TIAM1: variants seen among roughly 807,000 people sequenced by gnomAD.
TIAM1 encodes the protein rho guanine nucleotide exchange factor TIAM1.
TIAM1 carries 65 observed loss-of-function variants against 163.5 expected under a neutral mutation model. The ratio of observed to expected loss-of-function variants is 0.40; its 90% CI spans 0.33 to 0.49. TIAM1 has a LOEUF of 0.49. TIAM1 is among the 20% of genes least tolerant of loss of function. TIAM1 has a pLI of 0.77. For synonymous variants in TIAM1, 833 were observed against 810.1 expected (o/e 1.03, Z -0.48); for missense variants, 1,789 against 2,044.7 (o/e 0.87, Z 2.41).
intron 2 of TIAM1, among the ~76,000 whole-genome samples, chr21:31,451,582 A>G (rs1172458938): frequency 2.0e-5 from 3 of 152,138 alleles, no homozygotes; most frequent in African/African-American, 7.2e-5. Context: ...AAATGTGGCC[A>G]AGGACATCCC....
intron 1 of TIAM1, among the ~76,000 whole-genome samples, chr21:31,466,892 G>A (rs999299724): frequency 1.3e-5 from 2 of 151,872 alleles, no homozygotes; most frequent in Admixed American, 6.6e-5. Context: ...GTGATATTGA[G>A]GCAGATTGAT....
At chr21:31,321,017 T>C (rs1434745165) in intron 2 of TIAM1, among the ~76,000 whole-genome samples, 1 of 148,760 alleles carries the variant, frequency 6.7e-6, no homozygotes, top group East Asian at 2.0e-4. Flanking sequence ...CTGGGTACAG[T>C]GGTGTGCACC....
intron 2 of TIAM1, among the ~76,000 whole-genome samples, chr21:31,405,187 A>C (rs1198298302): frequency 1.3e-5 from 2 of 152,178 alleles, no homozygotes; most frequent in African/African-American, 2.4e-5. Flanking sequence ...GGTCAAGGTT[A>C]CAGTGAGCCA....
At chr21:31,324,013 A>G (rs2075404047) in intron 2 of TIAM1, among the ~76,000 whole-genome samples, 2 of 152,004 alleles carry the variant, frequency 1.3e-5, no homozygotes, top group African/African-American at 4.8e-5. Context: ...GTCTCAAAAA[A>G]AAAAAAAAAA....
At chr21:31,301,912 TAC>T (rs1187242412) in intron 2 of TIAM1, among the ~76,000 whole-genome samples, 2 of 149,140 alleles carry the variant, frequency 1.3e-5, no homozygotes, top group Non-Finnish European at 3.0e-5. Flanking sequence ...TGTGTATATA[TAC>T]GTGTAATAAA....
At chr21:31,381,600 G>A (rs2076780416) in intron 2 of TIAM1, among the ~76,000 whole-genome samples, 2 of 152,120 alleles carry the variant, frequency 1.3e-5, no homozygotes, top group Admixed American at 6.5e-5. Flanking sequence ...CATGGGAGGC[G>A]GAGGTTGCAG....
At chr21:31,130,983 T>G in intron 23 of TIAM1, 35 bp from the exon 24 acceptor site, 1 of 1,592,108 alleles carries the variant, frequency 6.3e-7, no homozygotes, top group Middle Eastern at 1.7e-4. Context: ...TTATGGTATG[T>G]CATGTGTAGG....
intron 6 of TIAM1, among the ~76,000 whole-genome samples, chr21:31,233,176 A>T (rs1279220675): frequency 6.6e-6 from 1 of 152,222 alleles, no homozygotes; most frequent in Non-Finnish European, 1.5e-5. Context: ...AATATATGCC[A>T]AATCTAGGAA....
intron 1 of TIAM1, among the ~76,000 whole-genome samples, chr21:31,502,232 G>A (rs2053818965): frequency 6.6e-6 from 1 of 152,074 alleles, no homozygotes; most frequent in Non-Finnish European, 1.5e-5. Flanking sequence ...CATTTTAGGG[G>A]CCCACAAACA....
chr21:31,421,757 T>C (rs973196883), intron 2 of TIAM1, among the ~76,000 whole-genome samples: 2 of 152,006 alleles, frequency 1.3e-5, no homozygotes, highest in Non-Finnish European at 1.5e-5. Flanking sequence ...TGGAAGGCCA[T>C]GGCAGGAGGA....
chr21:31,427,153 A>C (rs2043821492), intron 2 of TIAM1, among the ~76,000 whole-genome samples: 1 of 152,162 alleles, frequency 6.6e-6, no homozygotes, highest in Admixed American at 6.5e-5. Context: ...CCTGGCCTCA[A>C]GCAATCCTCC....
intron 6 of TIAM1, among the ~76,000 whole-genome samples, chr21:31,235,195 T>C (rs2088683126): frequency 6.6e-6 from 1 of 151,956 alleles, no homozygotes; most frequent in Non-Finnish European, 1.5e-5. Flanking sequence ...CAAGCTAACA[T>C]GCTGGAGATT....
chr21:31,536,985 T>A (rs1301493669), intron 1 of TIAM1, among the ~76,000 whole-genome samples: 1 of 152,210 alleles, frequency 6.6e-6, no homozygotes, highest in African/African-American at 2.4e-5. Flanking sequence ...AGGACTGCAC[T>A]CCCTCAAGAG....
rs1265436394 is a variant in TIAM1, at chr21:31,160,748, C to T, written c.2991+4214G>A. On this transcript the variant is annotated intron_variant, in intron 16 of 27. Coordinates refer to ENST00000541036, the MANE Select transcript of TIAM1 (RefSeq NM_001353694.2). The stretch of plus-strand genomic sequence containing the variant: ...GACGGTGAGACCCCGGAGCTGCACT[C>T]GCTTCCCACCAGTGCCCTCTGGGAA... 13 of 370,346 alleles carry T rather than the reference C, an allele frequency of 3.5e-5. No individual in the cohort carries two copies. In the Admixed American group the frequency reaches 3.7e-4, roughly 10 times the overall value. 22.9% of individuals were successfully genotyped at this position (370,346 alleles called of 1,614,324 possible). A position where few individuals can be genotyped will look rare whatever the true frequency, so the allele number is the denominator to read the frequency against.
intron 2 of TIAM1, among the ~76,000 whole-genome samples, chr21:31,387,877 C>G (rs1207861180): frequency 6.6e-6 from 1 of 151,978 alleles, no homozygotes; most frequent in Non-Finnish European, 1.5e-5. Context: ...TCCCAGTGGC[C>G]CTGATGAGGA....
intron 1 of TIAM1, among the ~76,000 whole-genome samples, chr21:31,513,191 C>G (rs1239569705): frequency 6.6e-6 from 1 of 152,058 alleles, no homozygotes; most frequent in African/African-American, 2.4e-5. Context: ...ATACACGTAC[C>G]ATGTTCCAGA....
At chr21:31,367,739 T>C (rs1163506848) in intron 2 of TIAM1, among the ~76,000 whole-genome samples, 1 of 152,196 alleles carries the variant, frequency 6.6e-6, no homozygotes, top group African/African-American at 2.4e-5. Context: ...CTTTATCAAT[T>C]ACAGTCCTTG....
chr21:31,388,650 C>T (rs2076919222), intron 2 of TIAM1, among the ~76,000 whole-genome samples: 1 of 148,868 alleles, frequency 6.7e-6, no homozygotes, highest in Admixed American at 6.6e-5. Flanking sequence ...TGAGCAAAAC[C>T]TTGTCTCTTA....
At chr21:31,326,833 TA>T (rs775485164) in intron 2 of TIAM1, among the ~76,000 whole-genome samples, 1 of 152,182 alleles carries the variant, frequency 6.6e-6, no homozygotes, top group Non-Finnish European at 1.5e-5. Context: ...TTAAGATCCC[TA>T]GATGAAAAGA....
Sources: gnomAD v4.1 joint callset for allele counts (sites outside exome capture counted in the v4.1 genomes callset) on GRCh38, gnomAD v4.1.1 for gene constraint, MANE v1.5 for transcripts, NCBI Gene and HGNC (gene_info 2026-07-23, HGNC 2026-07-21) for gene names.